SIAH2: variants seen among roughly 807,000 people sequenced by gnomAD.
SIAH2 encodes E3 ubiquitin-protein ligase SIAH2.
SIAH2 carries 4 observed loss-of-function variants against 20.4 expected under a neutral mutation model. The ratio of observed to expected loss-of-function variants is 0.20; its 90% CI spans 0.10 to 0.45. SIAH2 has a LOEUF of 0.45. Among genes scored for constraint, SIAH2 ranks in the 20% least tolerant of loss-of-function variants. SIAH2 has a pLI of 0.99. For synonymous variants in SIAH2, 171 were observed against 192.5 expected, an observed-to-expected ratio of 0.89 and a Z score of 0.93; for missense variants, 259 against 440.3, an observed-to-expected ratio of 0.59 and a Z score of 3.69.
chr3:150,760,878 T>A (rs1273554618), intron 1 of SIAH2, among the ~76,000 whole-genome samples: 1 of 152,220 alleles, frequency 6.6e-6, no homozygotes, highest in African/African-American at 2.4e-5. Flanking sequence ...CTAAGACAAC[T>A]ATGCAAATAC....
chr3:150,744,685 A>G (rs1714171053), intron 1 of SIAH2, among the ~76,000 whole-genome samples: 1 of 152,130 alleles, frequency 6.6e-6, no homozygotes, highest in Non-Finnish European at 1.5e-5. Flanking sequence ...GTCTCGAAAC[A>G]AGCTCTCAAT....
chr3:150,755,358 T>C (rs1279484216), intron 1 of SIAH2, among the ~76,000 whole-genome samples: 1 of 121,680 alleles, frequency 8.2e-6, no homozygotes, highest in East Asian at 2.8e-4. Flanking sequence ...TGAGACAGGG[T>C]CTCACTCTGT....
rs537961446 is a variant in SIAH2 at position 150,755,763 on chromosome 3, C to T, written c.417+6670G>A. 7.9e-5 allele frequency among the ~76,000 whole-genome samples: 12 copies of T among 152,118 alleles called. No homozygotes were observed. The East Asian group carries it at 9.7e-4, about 12-fold the overall frequency. ...AACTCCCAATCTCAGGTGATCTGCC[C>T]GCCTCGGCCTCCCAAGTGTTGGGAT... On this transcript the variant is annotated intron_variant, in intron 1 of 1. Transcript: ENST00000312960.
At chr3:150,743,264 T>G (rs1714137530) in intron 1 of SIAH2, among the ~76,000 whole-genome samples, 1 of 152,252 alleles carries the variant, frequency 6.6e-6, no homozygotes, top group African/African-American at 2.4e-5. Context: ...ATCACCAGGC[T>G]AGGGCAGCGG....
chr3:150,756,758 A>T (rs1714493744), intron 1 of SIAH2, among the ~76,000 whole-genome samples: 1 of 152,210 alleles, frequency 6.6e-6, no homozygotes. Flanking sequence ...GTAAACTACA[A>T]CGAAAGGTGT....
intron 1 of SIAH2, among the ~76,000 whole-genome samples, chr3:150,757,153 A>G (rs1045580051): frequency 1.3e-5 from 2 of 152,200 alleles, no homozygotes; most frequent in African/African-American, 4.8e-5. Context: ...ATGAACAAAC[A>G]GGGTCAGGGA....
rs755681603 is a variant in SIAH2 at position 150,742,216 on chromosome 3, G to A, written c.900C>T (p.Asp300=). The stretch of plus-strand genomic sequence containing the variant: ...CTGCAAAAAGATGTGCTATGGCTGT[G>A]TCGAAAACAAGGCAGTCGCTGTTCA... The part of the protein sequence containing the change: ...AIMNSDCLVF[D]TAIAHLFADN... Residue 300 remains aspartate, a synonymous_variant, in exon 2 of 2, where the codon GAC becomes GAT. Transcript: ENST00000312960. The surrounding 1 kb of genome is among the most constrained non-coding windows in gnomAD (Gnocchi z 4.8). 1.2e-6 allele frequency: 2 copies of A among 1,614,198 alleles called. No homozygotes were observed. Among genetic ancestry groups the A allele is most frequent in the Admixed American group, 3.3e-5 (2 of 60,034 alleles).
Position 150,742,140 on chromosome 3 carries a change from A to T in SIAH2, c.*1T>A. The T allele has an allele frequency of 1.5e-5, 24 of 1,605,890 alleles. No individual in the cohort carries two copies. Among genetic ancestry groups the T allele is most frequent in the Non-Finnish European group, 2.0e-5 (24 of 1,174,064 alleles). On this transcript the variant is annotated 3_prime_UTR_variant, in exon 2 of 2. Transcript: ENST00000312960. This position sits in a 1 kb window ranked among gnomAD's most constrained non-coding sequence, Gnocchi z 4.8. The stretch of plus-strand genomic sequence containing the variant: ...AATTTTGAAGGTTTACGAAAGTCAC[A>T]TCATGGACAACATGTAGAAATAGTA...
chr3:150,753,398 A>G (rs1035306218), intron 1 of SIAH2, among the ~76,000 whole-genome samples: 2 of 152,230 alleles, frequency 1.3e-5, no homozygotes, highest in African/African-American at 4.8e-5. Flanking sequence ...TGGCATTAAG[A>G]AAACCAAAAG....
chr3:150,752,964 T>C (rs1714403768), intron 1 of SIAH2, among the ~76,000 whole-genome samples: 1 of 152,182 alleles, frequency 6.6e-6, no homozygotes, highest in Admixed American at 6.5e-5. Flanking sequence ...CGAGCATGGG[T>C]GCCTAGCTCG....
chr3:150,751,218 G>A (rs2108120831), intron 1 of SIAH2, among the ~76,000 whole-genome samples: 1 of 152,216 alleles, frequency 6.6e-6, no homozygotes, highest in African/African-American at 2.4e-5. Context: ...GATTCCCTGA[G>A]CTCAGGAGTT....
intron 1 of SIAH2, among the ~76,000 whole-genome samples, chr3:150,755,461 G>A (rs1041904715): frequency 1.0e-4 from 15 of 150,520 alleles, no homozygotes; most frequent in African/African-American, 3.7e-4. Flanking sequence ...CCTCTGAGTA[G>A]CTGGGAGTAT....
intron 1 of SIAH2, among the ~76,000 whole-genome samples, chr3:150,743,622 G>A (rs1446644475): frequency 6.6e-6 from 1 of 152,160 alleles, no homozygotes; most frequent in Non-Finnish European, 1.5e-5. Flanking sequence ...TGCCTTAATA[G>A]GGTAGGAGAA....
In SIAH2 at chr3:150,762,715, C is replaced by G. The variant is rs1054451671; in HGVS notation, c.135G>C (p.Ser45=). Residue 45 remains serine, a synonymous_variant, in exon 1 of 2, where the codon TCG becomes TCC. Coordinates refer to ENST00000312960, the MANE Select transcript of SIAH2 (RefSeq NM_005067.7). The surrounding 1 kb of genome is among the most constrained non-coding windows in gnomAD (Gnocchi z 6.6). The part of the protein sequence containing the change: ...AATISAAGPG[S]SAVPAAAAVI... ...CCGCCGCCGCGGCGGGCACCGCGGA[C>G]GAGCCGGGGCCCGCAGCCGAGATGG... 2 of 1,215,166 alleles carry G rather than the reference C, an allele frequency of 1.6e-6. No homozygotes were observed. Among genetic ancestry groups the G allele is most frequent in the African/African-American group, 1.6e-5 (1 of 62,038 alleles). 75.3% of individuals were successfully genotyped at this position (1,215,166 alleles called of 1,614,324 possible). A position where few individuals can be genotyped will look rare whatever the true frequency, so the allele number is the denominator to read the frequency against.
At chr3:150,758,871 T>C (rs1714542659) in intron 1 of SIAH2, among the ~76,000 whole-genome samples, 1 of 151,784 alleles carries the variant, frequency 6.6e-6, no homozygotes. Context: ...GTCTCCTGAG[T>C]AGCTGATATT....
At chr3:150,747,572 C>T (rs1272403435) in intron 1 of SIAH2, among the ~76,000 whole-genome samples, 2 of 152,112 alleles carry the variant, frequency 1.3e-5, no homozygotes, top group Non-Finnish European at 2.9e-5. Flanking sequence ...GCTCATTTCC[C>T]CAGGGGGAAT....
Position 150,762,212 on chromosome 3 carries a change from T to A in SIAH2, c.417+221A>T. ...TGTTCTAACGATCAGCAAATGCCAA[T>A]TAATCTGTTAATTGTCTATTAACAA... On this transcript the variant is annotated intron_variant, in intron 1 of 1. Transcript: ENST00000312960. The surrounding 1 kb of genome is among the most constrained non-coding windows in gnomAD (Gnocchi z 6.6). 1.1e-6 allele frequency: 1 copy of A among 937,276 alleles called. No homozygotes were observed. The highest frequency in any genetic ancestry group is 1.5e-6 in the Non-Finnish European group (1 of 661,554). 58.1% of individuals were successfully genotyped at this position (937,276 alleles called of 1,614,324 possible).
chr3:150,744,206 G>A (rs949087394), intron 1 of SIAH2, among the ~76,000 whole-genome samples: 18 of 152,214 alleles, frequency 1.2e-4, no homozygotes, highest in African/African-American at 4.1e-4. Flanking sequence ...AGAGGATTCC[G>A]AAGCAAGGAT....
rs386398232 is a variant in SIAH2, at chr3:150,755,322, C to CTTT, written c.417+7108_417+7110dup. On this transcript the variant is annotated intron_variant, in intron 1 of 1. Coordinates refer to ENST00000312960, the MANE Select transcript of SIAH2 (RefSeq NM_005067.7). ...AATATTTTTCTTTTTCTTTTCTTCCCTTTTTTTTTTTTTTTTTTTTTTTTT... is the reference window on the plus strand; with the variant it reads ...AATATTTTTCTTTTTCTTTTCTTCCCTTTTTTTTTTTTTTTTTTTTTTTTTTTT... Among the ~76,000 whole-genome samples the CTTT allele has an allele frequency of 1.7e-4, 14 of 80,136 alleles. 1 individual carries two copies. Among genetic ancestry groups the CTTT allele is most frequent in the Non-Finnish European group, 2.7e-4 (12 of 45,132 alleles). The allele number at this position is 80,136 out of a possible 152,430, so 52.6% of individuals were successfully genotyped here. A position where few individuals can be genotyped will look rare whatever the true frequency, so the allele number is the denominator to read the frequency against.
Sources: allele counts gnomAD v4.1 joint callset (sites outside exome capture counted in the v4.1 genomes callset), GRCh38; gene constraint gnomAD v4.1.1; non-coding constraint Gnocchi (gnomAD v3.1); transcripts MANE v1.5; gene names NCBI Gene and HGNC (gene_info 2026-07-23, HGNC 2026-07-21).